The following FCHSD2 variants were observed in gnomAD, a reference collection of about 807,000 sequenced individuals.
The protein encoded by FCHSD2 is F-BAR and double SH3 domains protein 2.
In FCHSD2, 38 loss-of-function variants were observed where a neutral mutation model predicts 108.1. That is an observed-to-expected ratio of 0.35 (90% confidence interval 0.27 to 0.46). FCHSD2 has a LOEUF of 0.46. Ranked by LOEUF, FCHSD2 falls within the 20% of genes least tolerant of loss-of-function variation. The pLI is 1.00. For missense variants in FCHSD2, 751 were observed against 897.8 expected, an observed-to-expected ratio of 0.84 and a Z score of 2.09; for synonymous variants, 279 against 314.7, an observed-to-expected ratio of 0.89 and a Z score of 1.20.
chr11:73,113,250 T>G (rs1379096849), intron 2 of FCHSD2, among the ~76,000 whole-genome samples: 1 of 151,400 alleles, frequency 6.6e-6, no homozygotes, highest in Non-Finnish European at 1.5e-5. Context: ...TTCCTCAAAA[T>G]AGCTATTTCG....
intron 8 of FCHSD2, among the ~76,000 whole-genome samples, chr11:72,971,770 C>T (rs895034919): frequency 6.6e-6 from 1 of 152,130 alleles, no homozygotes; most frequent in African/African-American, 2.4e-5. Flanking sequence ...AAACCCTAAG[C>T]AGAGAACCTG....
At chr11:73,014,852 T>C (rs1857935598) in intron 4 of FCHSD2, among the ~76,000 whole-genome samples, 1 of 150,146 alleles carries the variant, frequency 6.7e-6, no homozygotes, top group Non-Finnish European at 1.5e-5. Flanking sequence ...ATCAAATTCT[T>C]TTTTTTTTTG....
intron 8 of FCHSD2, among the ~76,000 whole-genome samples, chr11:72,948,386 A>G (rs1302817911): frequency 6.6e-6 from 1 of 152,204 alleles, no homozygotes; most frequent in Non-Finnish European, 1.5e-5. Context: ...TCATTTTTCA[A>G]CATTTTAGTT....
chr11:72,960,849 C>G (rs1856806859), intron 8 of FCHSD2, among the ~76,000 whole-genome samples: 1 of 152,090 alleles, frequency 6.6e-6, no homozygotes, highest in Admixed American at 6.5e-5. Context: ...AAAGAATTCC[C>G]AAGTTGTAGA....
intron 8 of FCHSD2, among the ~76,000 whole-genome samples, chr11:72,973,974 G>A (rs1857057687): frequency 1.3e-5 from 2 of 150,140 alleles, no homozygotes; most frequent in South Asian, 4.2e-4. Flanking sequence ...AAGACCTAGA[G>A]TGCAAATGAA....
rs557991810 is a variant in FCHSD2, at chr11:72,990,148, T to C, written c.388-1051A>G. 2.3e-4 allele frequency among the ~76,000 whole-genome samples: 35 copies of C among 152,228 alleles called. No homozygotes were observed. The South Asian group carries it at 5.0e-3, about 22-fold the overall frequency. On this transcript the variant is annotated intron_variant, in intron 5 of 19. Coordinates refer to ENST00000409418, the MANE Select transcript of FCHSD2 (RefSeq NM_014824.3). ...TATTTATTAAGCACTTAATAAGTGT[T>C]AGGCTGTGAAGGAAAAGGTTAAAAA... is the stretch of plus-strand genomic sequence containing the variant.
At chr11:72,868,117 G>A (rs773692302) in intron 12 of FCHSD2, 91 bp from the exon 13 acceptor site, 44 of 1,206,152 alleles carry the variant, frequency 3.6e-5, no homozygotes, top group Non-Finnish European at 4.5e-5. Flanking sequence ...ATCAATGATC[G>A]ACTGGATAAA....
chr11:72,898,452 G>A (rs1855463211), intron 10 of FCHSD2, among the ~76,000 whole-genome samples: 1 of 152,158 alleles, frequency 6.6e-6, no homozygotes, highest in Admixed American at 6.5e-5. Context: ...AAACCCATAA[G>A]CAGTTCAAAA....
At position 72,960,606 on chromosome 11, in the gene FCHSD2, CAACTGACACATA is replaced by C. The variant is rs1269342745; in HGVS notation, c.705+23470_705+23481del. Among the ~76,000 whole-genome samples, 4 of 152,300 alleles carry C rather than the reference CAACTGACACATA, an allele frequency of 2.6e-5. No homozygotes were observed. In the East Asian group the frequency reaches 7.7e-4, roughly 29 times the overall value. Reference sequence around the variant, plus strand: ...CCATGCAGCTGCTATTAATTTCTTACAACTGACACATAAACTGAAACCTATTTGCCATTCCCA... The same window carrying C: ...CCATGCAGCTGCTATTAATTTCTTACAACTGAAACCTATTTGCCATTCCCA... On this transcript the variant is annotated intron_variant, in intron 8 of 19. Transcript: ENST00000409418.
chr11:73,020,493 A>G (rs968737312), intron 3 of FCHSD2, among the ~76,000 whole-genome samples: 2 of 152,228 alleles, frequency 1.3e-5, no homozygotes, highest in African/African-American at 4.8e-5. Flanking sequence ...TGATCTTTTA[A>G]CAATGAACAA....
chr11:72,985,014 C>T (rs368558079), intron 7 of FCHSD2, 48 bp downstream of exon 7: 18 of 764,252 alleles, frequency 2.4e-5, no homozygotes, highest in African/African-American at 3.5e-5. Context: ...CTCTGTTTTA[C>T]AAGCTAAGAG....
intron 2 of FCHSD2, among the ~76,000 whole-genome samples, chr11:73,118,232 T>C (rs1554970412): frequency 2.0e-5 from 3 of 152,006 alleles, no homozygotes; most frequent in African/African-American, 4.8e-5. Context: ...GGCAGGAAAA[T>C]TGCTTGGACT....
chr11:73,057,297 C>G (rs1340090383), intron 3 of FCHSD2, among the ~76,000 whole-genome samples: 2 of 151,992 alleles, frequency 1.3e-5, no homozygotes, highest in Admixed American at 6.5e-5. Context: ...AGCATGGGCA[C>G]TGAGGCCACT....
At chr11:72,957,760 C>T (rs78642949) in intron 8 of FCHSD2, among the ~76,000 whole-genome samples, 3,357 of 151,706 alleles carry the variant, frequency 0.022, 125 homozygotes, top group African/African-American at 0.075. Flanking sequence ...ATTATGTTCA[C>T]GATTTGCTCT....
chr11:72,930,450 T>G lies in FCHSD2; in HGVS notation c.706-8500A>C, dbSNP rs1023834529. Among the ~76,000 whole-genome samples the G allele has an allele frequency of 6.5e-4, 99 of 152,356 alleles. 1 individual carries two copies. Among genetic ancestry groups the G allele is most frequent in the African/African-American group, 2.0e-3 (84 of 41,594 alleles). On this transcript the variant is annotated intron_variant, in intron 8 of 19. Coordinates refer to ENST00000409418, the MANE Select transcript of FCHSD2 (RefSeq NM_014824.3). ...TTAGAGATTCATCTCTATATTTTCTTTGACTTCAACAATGTAATTGGCTGG... is the reference window on the plus strand; with the variant it reads ...TTAGAGATTCATCTCTATATTTTCTGTGACTTCAACAATGTAATTGGCTGG...
intron 13 of FCHSD2, among the ~76,000 whole-genome samples, chr11:72,857,462 G>A (rs767933480): frequency 8.3e-5 from 12 of 144,386 alleles, no homozygotes; most frequent in Non-Finnish European, 1.8e-4. Flanking sequence ...TTTTGAGATG[G>A]AGTTTCACTC....
chr11:73,108,268 T>C (rs115902490), intron 2 of FCHSD2, among the ~76,000 whole-genome samples: 2,065 of 152,378 alleles, frequency 0.014, 51 homozygotes, highest in African/African-American at 0.046. Flanking sequence ...TCTTTTCCTA[T>C]GAAGTTGTTT....
At chr11:72,969,555 G>A (rs1856972077) in intron 8 of FCHSD2, among the ~76,000 whole-genome samples, 1 of 151,946 alleles carries the variant, frequency 6.6e-6, no homozygotes, top group Admixed American at 6.5e-5. Flanking sequence ...GGAACTTTAG[G>A]CAAAATTATC....
intron 3 of FCHSD2, among the ~76,000 whole-genome samples, chr11:73,068,827 A>AAAAAAAG (rs1859361345): frequency 6.7e-6 from 1 of 149,852 alleles, no homozygotes; most frequent in Non-Finnish European, 1.5e-5. Context: ...AAAAAAAAAA[A>AAAAAAAG]AAAAAGAAAA....
Sources: allele counts gnomAD v4.1 joint callset (sites outside exome capture counted in the v4.1 genomes callset), GRCh38; gene constraint gnomAD v4.1.1; transcripts MANE v1.5; gene names NCBI Gene and HGNC (gene_info 2026-07-23, HGNC 2026-07-21).